The following BTRC variants were observed in gnomAD, a reference collection of about 807,000 sequenced individuals.
The protein encoded by BTRC is F-box/WD repeat-containing protein 1A.
BTRC carries 42 observed loss-of-function variants against 85.5 expected under a neutral mutation model. That is an observed-to-expected ratio of 0.49 (90% CI 0.38 to 0.64). BTRC has a LOEUF of 0.64. BTRC is among the 30% of genes least tolerant of loss of function. The pLI is 0.00. For synonymous variants in BTRC, 255 were observed against 263.3 expected, an observed-to-expected ratio of 0.97 and a Z score of 0.30; for missense variants, 594 against 743.5, an observed-to-expected ratio of 0.80 and a Z score of 2.34.
intron 2 of BTRC, among the ~76,000 whole-genome samples, chr10:101,451,579 T>G (rs556626948): frequency 7.9e-5 from 12 of 152,304 alleles, no homozygotes; most frequent in Admixed American, 7.2e-4. Flanking sequence ...GTTTTAAGAA[T>G]GTGTGCTGTG....
intron 1 of BTRC, among the ~76,000 whole-genome samples, chr10:101,400,650 G>A (rs1943471507): frequency 6.6e-6 from 1 of 152,244 alleles, no homozygotes; most frequent in Non-Finnish European, 1.5e-5. Context: ...TGAGGGGCAA[G>A]AGCTCTGATC....
chr10:101,455,107 G>A (rs987267968), intron 2 of BTRC, among the ~76,000 whole-genome samples: 1 of 151,294 alleles, frequency 6.6e-6, no homozygotes, highest in Non-Finnish European at 1.5e-5. Flanking sequence ...TGTCGCCCAG[G>A]CTAGAGCACA....
chr10:101,509,928 G>A (rs1264246801), intron 4 of BTRC, among the ~76,000 whole-genome samples: 1 of 151,628 alleles, frequency 6.6e-6, no homozygotes, highest in Non-Finnish European at 1.5e-5. Flanking sequence ...AGCACTTTGG[G>A]AGGCCAAGAC....
intron 13 of BTRC, among the ~76,000 whole-genome samples, chr10:101,546,441 A>T (rs938387813): frequency 6.6e-6 from 1 of 152,130 alleles, no homozygotes; most frequent in Non-Finnish European, 1.5e-5. Context: ...TTGTGGGTAC[A>T]TAGTAGGTTT....
intron 7 of BTRC, among the ~76,000 whole-genome samples, chr10:101,532,051 TTTA>T (rs1489002004): frequency 2.0e-5 from 3 of 152,220 alleles, no homozygotes; most frequent in African/African-American, 7.2e-5. Flanking sequence ...TTCCACCAGA[TTTA>T]TTATTTAATT....
intron 2 of BTRC, among the ~76,000 whole-genome samples, chr10:101,460,554 A>G (rs921439608): frequency 6.6e-6 from 1 of 152,224 alleles, no homozygotes; most frequent in Non-Finnish European, 1.5e-5. Context: ...GTTAAACCTC[A>G]TAAGATATTT....
intron 1 of BTRC, among the ~76,000 whole-genome samples, chr10:101,390,843 T>G (rs1425130691): frequency 1.3e-5 from 2 of 152,178 alleles, no homozygotes; most frequent in Non-Finnish European, 2.9e-5. Flanking sequence ...TTTCTAATTT[T>G]CCTGTCCCAA....
intron 1 of BTRC, among the ~76,000 whole-genome samples, chr10:101,363,303 C>T (rs138959296): frequency 1.3e-3 from 201 of 152,230 alleles, no homozygotes; most frequent in Non-Finnish European, 2.4e-3. Context: ...GCCTTACTTA[C>T]GTGCAGTATA....
chr10:101,425,537 G>A (rs940492289), intron 1 of BTRC, among the ~76,000 whole-genome samples: 1 of 151,990 alleles, frequency 6.6e-6, no homozygotes, highest in Non-Finnish European at 1.5e-5. Flanking sequence ...TGCATGTAAG[G>A]AGTAGGTGAT....
chr10:101,451,839 C>T (rs957199146), intron 2 of BTRC, among the ~76,000 whole-genome samples: 27 of 152,066 alleles, frequency 1.8e-4, no homozygotes, highest in Non-Finnish European at 3.2e-4. Flanking sequence ...AAGAGCCTGC[C>T]GCTCAGGGGC....
intron 4 of BTRC, among the ~76,000 whole-genome samples, chr10:101,498,980 C>T (rs1038651552): frequency 6.6e-6 from 1 of 151,182 alleles, no homozygotes; most frequent in African/African-American, 2.4e-5. Flanking sequence ...GCAACAAGAG[C>T]GAGACTCTGT....
intron 1 of BTRC, among the ~76,000 whole-genome samples, chr10:101,419,625 G>A (rs1179716630): frequency 2.0e-5 from 3 of 152,174 alleles, no homozygotes; most frequent in African/African-American, 7.2e-5. Flanking sequence ...GAAGGCAATA[G>A]AGTCTGTTAG....
chr10:101,358,513 A>G (rs531168800), intron 1 of BTRC, among the ~76,000 whole-genome samples: 1 of 152,366 alleles, frequency 6.6e-6, no homozygotes, highest in South Asian at 2.1e-4. Context: ...TTTTATTTAT[A>G]GAGCTGATAG....
chr10:101,401,837 CAAA>C (rs766212284), intron 1 of BTRC, among the ~76,000 whole-genome samples: 4 of 52,170 alleles, frequency 7.7e-5, no homozygotes, highest in Admixed American at 2.2e-4. Context: ...GACCTCATCT[CAAA>C]AAAAAAAAAA....
At chr10:101,418,363 G>A (rs1944003335) in intron 1 of BTRC, among the ~76,000 whole-genome samples, 1 of 151,738 alleles carries the variant, frequency 6.6e-6, no homozygotes, top group Admixed American at 6.6e-5. Flanking sequence ...GCAAGACTCT[G>A]TCTCAAAAAA....
intron 8 of BTRC, among the ~76,000 whole-genome samples, 200 bp from the exon 9 acceptor site, chr10:101,532,750 ATG>A (rs71643587): frequency 0.062 from 6,290 of 102,132 alleles, 175 homozygotes; most frequent in African/African-American, 0.11. Context: ...CTGAAGCTAT[ATG>A]TGTGTGTGTG....
intron 1 of BTRC, among the ~76,000 whole-genome samples, chr10:101,388,756 G>T (rs1021145358): frequency 3.3e-5 from 5 of 152,230 alleles, no homozygotes; most frequent in African/African-American, 1.2e-4. Context: ...CTCTCAAAGT[G>T]CTGGGATTAC....
intron 1 of BTRC, among the ~76,000 whole-genome samples, chr10:101,402,541 A>G (rs878923155): frequency 6.6e-6 from 1 of 152,194 alleles, no homozygotes; most frequent in African/African-American, 2.4e-5. Flanking sequence ...TCATCCCTTT[A>G]GTCCAAGTTT....
intron 1 of BTRC, among the ~76,000 whole-genome samples, chr10:101,399,965 G>A (rs1204007617): frequency 6.6e-6 from 1 of 152,160 alleles, no homozygotes; most frequent in Non-Finnish European, 1.5e-5. Context: ...TGAGAGAAAG[G>A]AGAATTTCTT....
Sources: gnomAD v4.1 joint callset for allele counts (sites outside exome capture counted in the v4.1 genomes callset) on GRCh38, gnomAD v4.1.1 for gene constraint, MANE v1.5 for transcripts, NCBI Gene and HGNC (gene_info 2026-07-23, HGNC 2026-07-21) for gene names.